NOTCH2: variants seen among roughly 807,000 people sequenced by gnomAD.
NOTCH2 encodes neurogenic locus notch homolog protein 2.
In NOTCH2, 29 loss-of-function variants were observed where a neutral mutation model predicts 235.8. The observed-to-expected ratio is 0.12, with a 90% CI of 0.09 to 0.17. The LOEUF is 0.17. Ranked by LOEUF, NOTCH2 falls within the 10% of genes least tolerant of loss-of-function variation. The pLI, the probability that NOTCH2 is intolerant of heterozygous loss-of-function variation, is 1.00. For missense variants in NOTCH2, 2,285 were observed against 3,150.2 expected (o/e 0.73, Z 6.57); for synonymous variants, 1,086 against 1,141.5 (o/e 0.95, Z 0.98).
intron 13 of NOTCH2, among the ~76,000 whole-genome samples, chr1:119,954,475 G>T (rs1035552634): frequency 6.6e-6 from 1 of 152,154 alleles, no homozygotes; most frequent in Non-Finnish European, 1.5e-5. Context: ...CATATCCTAT[G>T]GCAAATGCAG....
intron 14 of NOTCH2, among the ~76,000 whole-genome samples, chr1:119,953,170 G>A (rs587612432): frequency 6.6e-6 from 1 of 152,294 alleles, no homozygotes; most frequent in East Asian, 1.9e-4. Context: ...AATTAGCCGG[G>A]TGTGGTGGCA....
In NOTCH2 at chr1:119,953,615, G is replaced by C. The variant is rs2101122272; in HGVS notation, c.2293C>G (p.Pro765Ala). The stretch of plus-strand genomic sequence containing the variant: ...TCACAAGTTCCTCCATTCTGGCATG[G>C]ATTCGAAAGGCATTCATTTTTGTCC... Reference protein sequence around the residue: ...EVDKNECLSNPCQNGGTCDNL... With the variant: ...EVDKNECLSNACQNGGTCDNL... The change falls in exon 14 of 34, where the codon CCA (proline) becomes GCA (alanine). Residue 765 changes from proline to alanine, a missense_variant. Coordinates refer to ENST00000256646, the MANE Select transcript of NOTCH2 (RefSeq NM_024408.4). 6.2e-7 allele frequency: 1 copy of C among 1,614,008 alleles called. No individual in the cohort carries two copies. Among genetic ancestry groups the C allele is most frequent in the Non-Finnish European group, 8.5e-7 (1 of 1,179,906 alleles).
At chr1:120,010,439 G>C (rs1238689132) in intron 2 of NOTCH2, among the ~76,000 whole-genome samples, 7 of 152,030 alleles carry the variant, frequency 4.6e-5, no homozygotes, top group South Asian at 2.1e-4. Flanking sequence ...TTTAATAAAT[G>C]CTTGGAGTTA....
At chr1:119,963,504 G>A in intron 11 of NOTCH2, 70 bp downstream of exon 11, 2 of 1,359,248 alleles carry the variant, frequency 1.5e-6, no homozygotes, top group Non-Finnish European at 2.1e-6. Context: ...CCAACAGTCT[G>A]AAACATCTGT....
chr1:119,960,801 T>A (rs1409791108), intron 11 of NOTCH2, among the ~76,000 whole-genome samples: 2 of 152,012 alleles, frequency 1.3e-5, no homozygotes, highest in African/African-American at 4.8e-5. Context: ...AGCCTCCCGA[T>A]TACAGGTGTG....
intron 19 of NOTCH2, among the ~76,000 whole-genome samples, chr1:119,940,265 A>C (rs1650016570): frequency 6.6e-6 from 1 of 152,210 alleles, no homozygotes; most frequent in Non-Finnish European, 1.5e-5. Flanking sequence ...CAATGTAAAA[A>C]ACAAAAAAAC....
chr1:119,935,444 T>G, intron 22 of NOTCH2, 28 bp downstream of exon 22: 1 of 1,614,176 alleles, frequency 6.2e-7, no homozygotes, highest in Non-Finnish European at 8.5e-7. Flanking sequence ...ATGCCCTGGA[T>G]GGAAAATGGA....
chr1:119,965,343 G>C (rs1176494710), intron 10 of NOTCH2, 110 bp downstream of exon 10: 1 of 884,018 alleles, frequency 1.1e-6, no homozygotes, highest in African/African-American at 1.6e-5. Context: ...ACACAGAGGA[G>C]CCTCTGGGAG....
chr1:119,948,344 C>A, intron 17 of NOTCH2, 70 bp downstream of exon 17: 1 of 1,583,042 alleles, frequency 6.3e-7, no homozygotes, highest in Admixed American at 1.7e-5. Context: ...GCAGCCTCCA[C>A]TGGGCTCTCC....
Position 119,914,450 on chromosome 1 carries a change from C to T in NOTCH2, c.*856G>A, listed in dbSNP as rs1224179016. The T allele has an allele frequency of 4.3e-6, 1 of 233,146 alleles. No homozygotes were observed. Among genetic ancestry groups the T allele is most frequent in the East Asian group, 6.0e-5 (1 of 16,586 alleles). The allele number at this position is 233,146 out of a possible 1,614,324, so 14.4% of individuals were successfully genotyped here. ...CTGACCAGGCCCATACACAGAAAAA[C>T]AACAAACTCACACCCTTCTTCCTGG... On this transcript the variant is annotated 3_prime_UTR_variant, in exon 34 of 34. Transcript: ENST00000256646.
chr1:119,984,221 T>C (rs1651925244), intron 5 of NOTCH2, among the ~76,000 whole-genome samples: 1 of 152,120 alleles, frequency 6.6e-6, no homozygotes, highest in African/African-American at 2.4e-5. Flanking sequence ...AAATTTTCAG[T>C]CTATTAAAAA....
intron 1 of NOTCH2, among the ~76,000 whole-genome samples, chr1:120,063,503 A>T (rs782436513): frequency 1.8e-4 from 27 of 152,198 alleles, no homozygotes; most frequent in Non-Finnish European, 4.4e-5. Context: ...GTCATACAAC[A>T]CAAACAGAAG....
intron 20 of NOTCH2, 123 bp downstream of exon 20, chr1:119,937,734 C>A: frequency 9.2e-7 from 1 of 1,083,120 alleles, no homozygotes; most frequent in Non-Finnish European, 1.4e-6. Flanking sequence ...TTCCCCAGAG[C>A]CCTGCCCACC....
chr1:119,967,499 C>T lies in NOTCH2; in HGVS notation c.1387G>A (p.Asp463Asn). ...CEMDINECHS[D>N]PCQNDATCLD... ...CAGGTAGCATCATTCTGGCAGGGGT[C>T]TGAATGGCACTCATTGATGTCCATC... Residue 463 changes from aspartate to asparagine, a missense_variant, in exon 8 of 34, where the codon GAC becomes AAC. By Grantham distance (23) the Asp-to-Asn change is conservative. Transcript: ENST00000256646. 6.2e-7 allele frequency: 1 copy of T among 1,614,120 alleles called. No individual in the cohort carries two copies. The highest frequency in any genetic ancestry group is 1.1e-5 in the South Asian group (1 of 91,076).
intron 3 of NOTCH2, among the ~76,000 whole-genome samples, chr1:120,001,146 C>CA (rs1347875412): frequency 6.6e-6 from 1 of 152,094 alleles, no homozygotes; most frequent in Non-Finnish European, 1.5e-5. Context: ...GAGGCCTCCC[C>CA]AGCCATATGG....
intron 1 of NOTCH2, among the ~76,000 whole-genome samples, chr1:120,067,721 G>C (rs1449967566): frequency 1.3e-5 from 2 of 152,120 alleles, no homozygotes; most frequent in Admixed American, 6.5e-5. Context: ...CAAAGAAAAA[G>C]GAAAAGCAAA....
At position 119,948,915 on chromosome 1, in the gene NOTCH2, A is replaced by G. The variant is rs959074473; in HGVS notation, c.2599+92T>C. The G allele has an allele frequency of 6.6e-6, 10 of 1,510,102 alleles. No homozygotes were observed. The Middle Eastern group carries it at 6.8e-4, about 102-fold the overall frequency. The allele number at this position is 1,510,102 out of a possible 1,614,324, so 93.5% of individuals were successfully genotyped here. On this transcript the variant is annotated intron_variant, in intron 16 of 33. Transcript: ENST00000256646. ...TGACAAGATGGACAGGCCTCATAAGACCAGCAGGGCCTTCCATATGATCTG... is the reference window on the plus strand; with the variant it reads ...TGACAAGATGGACAGGCCTCATAAGGCCAGCAGGGCCTTCCATATGATCTG...
chr1:119,944,457 C>T (rs1430451230), intron 17 of NOTCH2, among the ~76,000 whole-genome samples: 1 of 151,268 alleles, frequency 6.6e-6, no homozygotes, highest in Non-Finnish European at 1.5e-5. Context: ...ATGGCGCAAA[C>T]CCAGGAGGCG....
chr1:119,934,631 A>G (rs1038963146), intron 22 of NOTCH2, among the ~76,000 whole-genome samples: 1 of 152,228 alleles, frequency 6.6e-6, no homozygotes, highest in Admixed American at 6.5e-5. Context: ...AAACTCTGAT[A>G]CCTGGGGTGG....
Sources: gnomAD v4.1 joint callset for allele counts (sites outside exome capture counted in the v4.1 genomes callset) on GRCh38, gnomAD v4.1.1 for gene constraint, MANE v1.5 for transcripts, NCBI Gene and HGNC (gene_info 2026-07-23, HGNC 2026-07-21) for gene names.